Variants in TEKT5 observed in about 807,000 individuals in gnomAD.
The protein encoded by TEKT5 is tektin 5, also known as tektin-5.
A neutral mutation model predicts 48.7 loss-of-function variants in TEKT5; 52 were observed. The ratio of observed to expected loss-of-function variants is 1.07; its 90% CI spans 0.86 to 1.35. TEKT5 has a LOEUF of 1.35. TEKT5 is among the 40% of genes most tolerant of loss of function. The probability of loss-of-function intolerance (pLI) is 0.00; values close to 1 mark genes in which losing one functional copy is unlikely to be tolerated. For synonymous variants in TEKT5, 318 were observed against 267.6 expected (o/e 1.19, Z -1.84); for missense variants, 831 against 641.6 (o/e 1.30, Z -3.19).
chr16:10,663,160 C>T (rs545943198), intron 5 of TEKT5, among the ~76,000 whole-genome samples: 2 of 152,290 alleles, frequency 1.3e-5, no homozygotes, highest in African/African-American at 2.4e-5. Flanking sequence ...CAGATAAAAC[C>T]AACCTCGGCT....
chr16:10,653,344 G>T (rs1352986244), intron 5 of TEKT5, among the ~76,000 whole-genome samples: 4 of 152,232 alleles, frequency 2.6e-5, no homozygotes, highest in Admixed American at 1.3e-4. Flanking sequence ...TTTGCATACA[G>T]TAGGCTGCCT....
At chr16:10,635,736 C>CCT in intron 6 of TEKT5, 28 bp downstream of exon 6, 1 of 1,599,724 alleles carries the variant, frequency 6.3e-7, no homozygotes, top group Non-Finnish European at 8.5e-7. Flanking sequence ...CAGGGGTTCT[C>CCT]CTGCCTCCTC....
At chr16:10,658,285 T>C (rs1898298165) in intron 5 of TEKT5, among the ~76,000 whole-genome samples, 1 of 151,858 alleles carries the variant, frequency 6.6e-6, no homozygotes, top group East Asian at 1.9e-4. Context: ...TGAGAAAGAG[T>C]CCATATGTCC....
Position 10,682,070 on chromosome 16 carries a change from G to C in TEKT5, c.786C>G (p.Ile262Met). ...TTCTCAGGTTAAAGCACTTCTCATC[G>C]ATACACTGGGCCGAGCTTTTGTCTT... ...DLEDKSSAQC[I>M]DEKCFNLRNT... The change falls in exon 4 of 7, where the codon ATC (isoleucine) becomes ATG (methionine). Residue 262 changes from isoleucine (I) to methionine (M), a missense_variant. By Grantham distance (10) the Ile-to-Met change is conservative (BLOSUM62 1). Transcript: ENST00000283025. 1.9e-6 allele frequency: 3 copies of C among 1,614,134 alleles called. No homozygotes were observed. The East Asian group carries it at 6.7e-5, about 36-fold the overall frequency.
chr16:10,640,036 CTTCT>C (rs1375467711), intron 5 of TEKT5, among the ~76,000 whole-genome samples: 2 of 111,554 alleles, frequency 1.8e-5, no homozygotes, highest in African/African-American at 6.6e-5. Flanking sequence ...TCCCCTTCTC[CTTCT>C]TTCTCTTCCT....
At chr16:10,665,233 C>T (rs1898438153) in intron 5 of TEKT5, among the ~76,000 whole-genome samples, 1 of 152,124 alleles carries the variant, frequency 6.6e-6, no homozygotes, top group Non-Finnish European at 1.5e-5. Context: ...TAGGGGAATG[C>T]TGGGGCATAA....
chr16:10,663,959 G>A (rs1466378135), intron 5 of TEKT5, among the ~76,000 whole-genome samples: 1 of 152,206 alleles, frequency 6.6e-6, no homozygotes, highest in Admixed American at 6.5e-5. Flanking sequence ...CTGTTGAGAG[G>A]CTGTCTGAGG....
At chr16:10,632,818 A>G (rs544911634) in intron 6 of TEKT5, among the ~76,000 whole-genome samples, 2 of 151,662 alleles carry the variant, frequency 1.3e-5, no homozygotes, top group African/African-American at 4.8e-5. Flanking sequence ...CATCTGCTCA[A>G]TTCCGAAGAC....
In TEKT5 at chr16:10,647,558, C is replaced by T. The variant is rs77862530; in HGVS notation, c.1087-11640G>A. On this transcript the variant is annotated intron_variant, in intron 5 of 6. Transcript: ENST00000283025. ...CCCATCCAGGGCAGCTCCCAGGATGCTCCCCTCCACCAGTAGGTGCTGTTG... is the reference window on the plus strand; with the variant it reads ...CCCATCCAGGGCAGCTCCCAGGATGTTCCCCTCCACCAGTAGGTGCTGTTG... Among the ~76,000 whole-genome samples, 331 of 152,020 alleles carry T rather than the reference C, an allele frequency of 2.2e-3. 2 individuals are homozygous for T. Among genetic ancestry groups the T allele is most frequent in the East Asian group, 6.0e-3 (31 of 5,166 alleles).
chr16:10,627,738 C>A lies in TEKT5; in HGVS notation c.1303G>T (p.Glu435Ter). Residue 435 changes from glutamate to a stop codon, truncating the protein, a stop_gained, in exon 7 of 7, where the codon GAG becomes TAG. Coordinates refer to ENST00000283025, the MANE Select transcript of TEKT5 (RefSeq NM_144674.2). LOFTEE classifies it high-confidence loss of function. ...AGCAGCTGCAGCGTGTCCTGTGTCT[C>A]CCGCAGCCGCAGCTTGAGGGTCTGC... ...TLQTLKLRLRETQDTLQLLVM... is the reference protein window; with the variant it reads ...TLQTLKLRLR 1 of 1,614,168 alleles carries A rather than the reference C, an allele frequency of 6.2e-7. No individual in the cohort carries two copies. Among genetic ancestry groups the A allele is most frequent in the African/African-American group, 1.3e-5 (1 of 75,066 alleles).
intron 4 of TEKT5, among the ~76,000 whole-genome samples, chr16:10,681,409 C>CTA (rs1488648454): frequency 2.0e-5 from 3 of 150,368 alleles, no homozygotes; most frequent in Non-Finnish European, 4.4e-5. Context: ...CTCTCTCTCT[C>CTA]TGGCTGGTCT....
intron 5 of TEKT5, among the ~76,000 whole-genome samples, chr16:10,659,457 G>A (rs1000650010): frequency 6.6e-6 from 1 of 152,138 alleles, no homozygotes; most frequent in Admixed American, 6.5e-5. Flanking sequence ...TCGGCTCACT[G>A]CAAGCTCTGC....
At chr16:10,639,529 C>T (rs1423181320) in intron 5 of TEKT5, among the ~76,000 whole-genome samples, 1 of 152,116 alleles carries the variant, frequency 6.6e-6, no homozygotes, top group Non-Finnish European at 1.5e-5. Context: ...AAGTGCCCTC[C>T]CATCAAGTGT....
At position 10,676,030 on chromosome 16, in the gene TEKT5, T is replaced by C. The variant is rs1263453660; in HGVS notation, c.1015A>G (p.Asn339Asp). The change falls in exon 5 of 7, where the codon AAC (asparagine) becomes GAC (aspartate). Residue 339 changes from asparagine (N) to aspartate (D), a missense_variant. Transcript: ENST00000283025. ...GAGATGCGGGCGTTGAAGGCCAGGT[T>C]GGTGTCTGTGAACTGCCTCCACATC... ...DQMWRQFTDT[N>D]LAFNARISEV... 3 of 1,614,108 alleles carry C rather than the reference T, an allele frequency of 1.9e-6. No individual in the cohort carries two copies. The highest frequency in any genetic ancestry group is 2.2e-5 in the South Asian group (2 of 91,088).
intron 5 of TEKT5, among the ~76,000 whole-genome samples, chr16:10,660,615 T>C (rs564938199): frequency 6.6e-6 from 1 of 151,894 alleles, no homozygotes; most frequent in African/African-American, 2.4e-5. Context: ...GAGCCGCCAC[T>C]TCCTTCAAAA....
intron 5 of TEKT5, among the ~76,000 whole-genome samples, chr16:10,657,878 G>T (rs1236041530): frequency 6.6e-6 from 1 of 151,834 alleles, no homozygotes; most frequent in Non-Finnish European, 1.5e-5. Flanking sequence ...GGGATTACAG[G>T]CGTGAACCAC....
At chr16:10,664,170 GC>G (rs1031052906) in intron 5 of TEKT5, among the ~76,000 whole-genome samples, 6 of 152,118 alleles carry the variant, frequency 3.9e-5, no homozygotes, top group African/African-American at 4.8e-5. Context: ...TAGAATGTAA[GC>G]CCCCTGAGGG....
chr16:10,671,997 G>C (rs968779132), intron 5 of TEKT5, among the ~76,000 whole-genome samples: 70 of 152,156 alleles, frequency 4.6e-4, no homozygotes, highest in African/African-American at 1.6e-3. Flanking sequence ...TATTACCATG[G>C]ATATGGGGGG....
intron 4 of TEKT5, among the ~76,000 whole-genome samples, chr16:10,680,234 C>T (rs1413671881): frequency 1.3e-5 from 2 of 152,224 alleles, no homozygotes; most frequent in African/African-American, 4.8e-5. Context: ...GTTGTCATTA[C>T]CAGAAGTCCC....
Sources: allele counts gnomAD v4.1 joint callset (sites outside exome capture counted in the v4.1 genomes callset), GRCh38; gene constraint gnomAD v4.1.1; transcripts MANE v1.5; gene names NCBI Gene and HGNC (gene_info 2026-07-23, HGNC 2026-07-21).